LGR4: variants seen among roughly 807,000 people sequenced by gnomAD.
LGR4 encodes leucine rich repeat containing G protein-coupled receptor 4, also known as leucine-rich repeat-containing G protein-coupled receptor 4.
A neutral mutation model predicts 84.8 loss-of-function variants in LGR4; 44 were observed. The observed-to-expected ratio is 0.52, with a 90% CI of 0.41 to 0.67. LGR4 has a LOEUF of 0.67. Among genes scored for constraint, LGR4 ranks in the 30% least tolerant of loss-of-function variants. The probability of loss-of-function intolerance (pLI) is 0.00; values close to 1 mark genes in which losing one functional copy is unlikely to be tolerated. For synonymous variants in LGR4, 429 were observed against 434.3 expected (o/e 0.99, Z 0.15); for missense variants, 1,032 against 1,131.4 (o/e 0.91, Z 1.26).
At chr11:27,369,206 G>C (rs1229001165) in intron 17 of LGR4, 63 bp from the exon 18 acceptor site, 3 of 1,256,338 alleles carry the variant, frequency 2.4e-6, no homozygotes, top group Non-Finnish European at 3.2e-6. Flanking sequence ...TTTAGAAAAT[G>C]ATATGGCTTG....
At chr11:27,373,453 A>C in intron 15 of LGR4, 98 bp downstream of exon 15, 2 of 1,188,802 alleles carry the variant, frequency 1.7e-6, no homozygotes, top group Non-Finnish European at 2.3e-6. Context: ...ATTATAGCCT[A>C]TCAGAAAATC....
At chr11:27,437,790 C>G (rs1225223823) in intron 1 of LGR4, among the ~76,000 whole-genome samples, 1 of 149,960 alleles carries the variant, frequency 6.7e-6, no homozygotes, top group Non-Finnish European at 1.5e-5. Flanking sequence ...CCTCCTGAGC[C>G]CAGGAGTCTG....
intron 2 of LGR4, among the ~76,000 whole-genome samples, chr11:27,411,869 C>T (rs1478043230): frequency 1.3e-5 from 2 of 152,086 alleles, no homozygotes; most frequent in Non-Finnish European, 2.9e-5. Context: ...GGAAGACATT[C>T]GCTGACTTGG....
intron 10 of LGR4, 75 bp downstream of exon 10, chr11:27,380,196 A>T (rs2472623): frequency 0.65 from 576,803 of 888,162 alleles, 190,009 homozygotes; most frequent in Non-Finnish European, 0.68. Flanking sequence ...CATTGTCACT[A>T]AAAGACCCTG....
rs772071639 is a variant in LGR4, at chr11:27,376,307, T to C, written c.1173A>G (p.Leu391=). Residue 391 remains leucine, a synonymous_variant, in exon 13 of 18, where the codon CTA becomes CTG. Coordinates refer to ENST00000379214, the MANE Select transcript of LGR4 (RefSeq NM_018490.5). The part of the protein sequence containing the change: ...KEGTFQGLIS[L]RILDLSRNLI... ...ATCATAGACAAACTTACAGAATCCT[T>C]AGAGATATCAGGCCTTGAAAGGTGC... 8.3e-6 allele frequency: 13 copies of C among 1,569,676 alleles called. No individual in the cohort carries two copies. The South Asian group carries it at 9.0e-5, about 11-fold the overall frequency.
chr11:27,446,242 A>G (rs973784729), intron 1 of LGR4, among the ~76,000 whole-genome samples: 1 of 152,002 alleles, frequency 6.6e-6, no homozygotes, highest in Non-Finnish European at 1.5e-5. Context: ...TTACCTGTTC[A>G]CTCTGATGGT....
chr11:27,388,858 G>A (rs1863232651), intron 4 of LGR4, among the ~76,000 whole-genome samples: 1 of 152,058 alleles, frequency 6.6e-6, no homozygotes, highest in Non-Finnish European at 1.5e-5. Flanking sequence ...GTAATCTGAT[G>A]TTAAAAAATT....
Position 27,472,141 on chromosome 11 carries a change from C to T in LGR4, c.162G>A (p.Gly54=), listed in dbSNP as rs770365179. Residue 54 remains glycine (G), a synonymous_variant, in exon 1 of 18, where the codon GGG becomes GGA. Transcript: ENST00000379214. ...ACAGCGCTTGGGTGAAGGCGCTGAGCCCCTCGGGCACGGCCGTCAGCCCCT... is the reference window on the plus strand; with the variant it reads ...ACAGCGCTTGGGTGAAGGCGCTGAGTCCCTCGGGCACGGCCGTCAGCCCCT... ...SGKGLTAVPE[G]LSAFTQALDI... is the part of the protein sequence containing the mutation. 2.1e-6 allele frequency: 3 copies of T among 1,399,102 alleles called. No individual in the cohort carries two copies. In the South Asian group the frequency reaches 4.4e-5, roughly 21 times the overall value. 86.7% of individuals were successfully genotyped at this position (1,399,102 alleles called of 1,614,324 possible).
Position 27,368,480 on chromosome 11 carries a change from T to TA in LGR4, c.2242_2243insT (p.His748LeufsTer62). ...ATTGGTGAAGATTAGCCAAGCGACA[T>TA]GCTTAATCATGCTAGATTGTGAGTT... On this transcript the variant is annotated frameshift_variant, in exon 18 of 18. Coordinates refer to ENST00000379214, the MANE Select transcript of LGR4 (RefSeq NM_018490.5). LOFTEE classifies it high-confidence loss of function. 6.2e-7 allele frequency: 1 copy of TA among 1,614,212 alleles called. No homozygotes were observed. Among genetic ancestry groups the TA allele is most frequent in the East Asian group, 2.2e-5 (1 of 44,874 alleles).
chr11:27,452,477 A>C (rs914677385), intron 1 of LGR4, among the ~76,000 whole-genome samples: 1 of 152,118 alleles, frequency 6.6e-6, no homozygotes, highest in Non-Finnish European at 1.5e-5. Flanking sequence ...GAACTGCTCC[A>C]CCACTGCAAA....
At chr11:27,412,938 T>C in intron 1 of LGR4, 78 bp from the exon 2 acceptor site, 11 of 946,146 alleles carry the variant, frequency 1.2e-5, no homozygotes, top group Non-Finnish European at 1.7e-5. Flanking sequence ...GAAAACTAAC[T>C]AGGTGTTACA....
chr11:27,449,181 C>T (rs1348893435), intron 1 of LGR4, among the ~76,000 whole-genome samples: 1 of 152,126 alleles, frequency 6.6e-6, no homozygotes, highest in Non-Finnish European at 1.5e-5. Context: ...TAAATACCTA[C>T]TTAAGTATAA....
chr11:27,406,278 C>T (rs1021142332), intron 2 of LGR4, among the ~76,000 whole-genome samples: 3 of 152,060 alleles, frequency 2.0e-5, no homozygotes, highest in Non-Finnish European at 4.4e-5. Flanking sequence ...CTCATTTGAT[C>T]CAGCACTGAA....
chr11:27,462,270 G>A (rs538453984), intron 1 of LGR4, among the ~76,000 whole-genome samples: 30 of 152,220 alleles, frequency 2.0e-4, no homozygotes, highest in South Asian at 4.1e-4. Context: ...GAAACCCTGC[G>A]TTCCCATGTT....
chr11:27,392,547 G>GAA, intron 2 of LGR4, 29 bp from the exon 3 acceptor site: 4 of 1,487,958 alleles, frequency 2.7e-6, no homozygotes, highest in Non-Finnish European at 3.6e-6. Context: ...AAAGTAGCAA[G>GAA]AAAAAAATAG....
At chr11:27,447,104 C>T (rs1016503714) in intron 1 of LGR4, among the ~76,000 whole-genome samples, 2 of 152,060 alleles carry the variant, frequency 1.3e-5, no homozygotes, top group South Asian at 4.2e-4. Context: ...TTAACGGGTG[C>T]AGCACACCAA....
intron 1 of LGR4, among the ~76,000 whole-genome samples, chr11:27,465,885 G>T (rs1305859765): frequency 1.3e-5 from 2 of 152,104 alleles, no homozygotes; most frequent in African/African-American, 2.4e-5. Context: ...TCACTGACAG[G>T]ATTTACAATT....
At chr11:27,399,963 T>C (rs961903766) in intron 2 of LGR4, among the ~76,000 whole-genome samples, 3 of 152,336 alleles carry the variant, frequency 2.0e-5, no homozygotes, top group African/African-American at 4.8e-5. Flanking sequence ...GGTTCCCATG[T>C]AGGGGCATTT....
chr11:27,424,363 G>C (rs1380670302), intron 1 of LGR4, among the ~76,000 whole-genome samples: 2 of 152,170 alleles, frequency 1.3e-5, no homozygotes, highest in Admixed American at 6.5e-5. Context: ...AACATAGTGA[G>C]GCTGCTCGGG....
Sources: gnomAD v4.1 joint callset for allele counts (sites outside exome capture counted in the v4.1 genomes callset) on GRCh38, gnomAD v4.1.1 for gene constraint, MANE v1.5 for transcripts, NCBI Gene and HGNC (gene_info 2026-07-23, HGNC 2026-07-21) for gene names.